The following SVIL variants were observed in gnomAD, a reference collection of about 807,000 sequenced individuals.
SVIL encodes the protein archvillin.
In SVIL, 101 loss-of-function variants were observed where a neutral mutation model predicts 240.4. The ratio of observed to expected loss-of-function variants is 0.42; its 90% CI spans 0.36 to 0.50. The LOEUF is 0.50. Among genes scored for constraint, SVIL ranks in the 20% least tolerant of loss-of-function variants. The pLI, the probability that SVIL is intolerant of heterozygous loss-of-function variation, is 0.01. For synonymous variants in SVIL, 999 were observed against 1,100.0 expected (o/e 0.91, Z 1.82); for missense variants, 2,512 against 2,818.7 (o/e 0.89, Z 2.46).
chr10:29,572,592 C>T (rs1190789760), intron 1 of SVIL, among the ~76,000 whole-genome samples: 2 of 151,698 alleles, frequency 1.3e-5, no homozygotes, highest in African/African-American at 2.4e-5. Context: ...TGGTGAGGCC[C>T]TGTCTCTACA....
rs1392045220 is a variant in SVIL, at chr10:29,523,947, C to T, written c.2667G>A (p.Met889Ile). ...VSTVASTVAPMYAGDLRTKPP... is the reference protein window; with the variant it reads ...VSTVASTVAPIYAGDLRTKPP... ...GCTTTGTGCGAAGATCTCCGGCATA[C>T]ATTGGAGCAACCGTGGATGCTACGG... Residue 889 changes from methionine (M) to isoleucine (I), a missense_variant, in exon 15 of 38, where the codon ATG becomes ATA. Met to Ile is a conservative substitution (Grantham distance 10, BLOSUM62 1). This residue lies in a region of SVIL where 1,443 missense variants were observed against 1,486.6 expected (regional missense o/e 0.97). Transcript: ENST00000355867. The T allele has an allele frequency of 5.6e-6, 9 of 1,614,080 alleles. No individual in the cohort carries two copies. Among genetic ancestry groups the T allele is most frequent in the East Asian group, 2.2e-5 (1 of 44,896 alleles).
intron 33 of SVIL, among the ~76,000 whole-genome samples, chr10:29,466,882 C>T (rs1277215305): frequency 1.3e-5 from 2 of 152,030 alleles, no homozygotes; most frequent in Non-Finnish European, 2.9e-5. Context: ...GTTTTCTAGG[C>T]ATTATGTTTA....
At chr10:29,613,403 G>T (rs1476754533) in intron 1 of SVIL, among the ~76,000 whole-genome samples, 1 of 152,064 alleles carries the variant, frequency 6.6e-6, no homozygotes, top group Non-Finnish European at 1.5e-5. Flanking sequence ...CGCAATCAAG[G>T]CTCACTGCAA....
chr10:29,457,924 C>CAA lies in SVIL; in HGVS notation c.*321_*322dup, dbSNP rs34048226. ...TAACACTTTATAAAGAGAACTGCTT[C>CAA]AAAAAAAAAAAAAAAAGGCATTGCC... On this transcript the variant is annotated 3_prime_UTR_variant, in exon 38 of 38. Transcript: ENST00000355867. The CAA allele has an allele frequency of 3.1e-4, 43 of 138,678 alleles. No individual in the cohort carries two copies. The highest frequency in any genetic ancestry group is 4.8e-4 in the African/African-American group (18 of 37,720). The allele number at this position is 138,678 out of a possible 1,614,324, so 8.6% of individuals were successfully genotyped here.
intron 1 of SVIL, among the ~76,000 whole-genome samples, chr10:29,694,075 T>C (rs1205208029): frequency 2.6e-5 from 4 of 151,878 alleles, no homozygotes; most frequent in African/African-American, 9.7e-5. Flanking sequence ...CTACCCAGAA[T>C]TGTAATGAAC....
chr10:29,484,748 C>G lies in SVIL; in HGVS notation c.4863G>C (p.Gln1621His). Residue 1621 changes from glutamine (Q) to histidine (H), a missense_variant, in exon 27 of 38, where the codon CAG becomes CAC. By Grantham distance (24) the Gln-to-His change is conservative (BLOSUM62 0). Transcript: ENST00000355867. The surrounding 1 kb of genome is among the most constrained non-coding windows in gnomAD (Gnocchi z 4.7). ...VTLAQRKIAFQLAKHLWNGTF... is the reference protein window; with the variant it reads ...VTLAQRKIAFHLAKHLWNGTF... The stretch of plus-strand genomic sequence containing the variant: ...TTCCATTCCATAAGTGCTTTGCCAG[C>G]TGAAATGCTATTTTTCGTTGTGCTA... The G allele has an allele frequency of 6.2e-7, 1 of 1,613,956 alleles. No homozygotes were observed. Among genetic ancestry groups the G allele is most frequent in the Non-Finnish European group, 8.5e-7 (1 of 1,179,922 alleles).
chr10:29,551,315 AT>A (rs1435313915), intron 5 of SVIL, 52 bp from the exon 6 acceptor site: 4 of 1,484,184 alleles, frequency 2.7e-6, no homozygotes, highest in Non-Finnish European at 3.6e-6. Flanking sequence ...AAAGACATGT[AT>A]TTACACACAG....
intron 29 of SVIL, among the ~76,000 whole-genome samples, chr10:29,478,945 AAAAAAG>A (rs1388212235): frequency 3.3e-5 from 5 of 150,242 alleles, no homozygotes; most frequent in Admixed American, 1.3e-4. Flanking sequence ...AAAAAAAAAA[AAAAAAG>A]AACAAAAAGA....
At position 29,724,823 on chromosome 10, in the gene SVIL, A is replaced by C. The variant is rs923915208; in HGVS notation, c.-400+10928T>G. On this transcript the variant is annotated intron_variant, in intron 1 of 35. Transcript: ENST00000375400. ...GATCGCTTGAAGTCAGGAGTTCGAG[A>C]CCAGCCTGGTCAACATGGTGAAACC... Among the ~76,000 whole-genome samples, 3 of 152,034 alleles carry C rather than the reference A, an allele frequency of 2.0e-5. No homozygotes were observed. The South Asian group carries it at 6.2e-4, about 31-fold the overall frequency.
chr10:29,690,437 G>A (rs1253269329), intron 1 of SVIL, among the ~76,000 whole-genome samples: 1 of 152,026 alleles, frequency 6.6e-6, no homozygotes, highest in East Asian at 1.9e-4. Flanking sequence ...AGGATCTGCT[G>A]TTGAATCTTC....
intron 16 of SVIL, among the ~76,000 whole-genome samples, chr10:29,516,391 T>TA (rs1358385252): frequency 6.6e-6 from 1 of 152,150 alleles, no homozygotes; most frequent in East Asian, 1.9e-4. Context: ...TAACACGCAC[T>TA]AAAACTTGAG....
intron 17 of SVIL, among the ~76,000 whole-genome samples, chr10:29,506,290 C>A (rs1237682247): frequency 6.6e-6 from 1 of 152,028 alleles, no homozygotes; most frequent in Admixed American, 6.5e-5. Flanking sequence ...GTTTGCTCCA[C>A]ATTTCAGCCC....
chr10:29,530,746 G>T, intron 10 of SVIL, 78 bp from the exon 11 acceptor site: 1 of 1,522,046 alleles, frequency 6.6e-7, no homozygotes, highest in South Asian at 1.1e-5. Context: ...TTTCAGGGCT[G>T]ACCTGGAAAT....
rs1949310432 is a variant in SVIL, at chr10:29,506,655, C to CTA, written c.3516+6079_3516+6080insTA. On this transcript the variant is annotated intron_variant, in intron 17 of 37. Coordinates refer to ENST00000355867, the MANE Select transcript of SVIL (RefSeq NM_021738.3). ...GCCCTAGAGGGAGGGGACAGAGGCC[C>CTA]TGGAGGGAGGGGACAGAGGCCCTAT... 9.6e-4 allele frequency among the ~76,000 whole-genome samples: 140 copies of CTA among 146,436 alleles called. 2 individuals are homozygous for CTA. Among genetic ancestry groups the CTA allele is most frequent in the African/African-American group, 3.4e-3 (129 of 37,566 alleles).
chr10:29,604,368 T>C (rs1443247901), intron 1 of SVIL, among the ~76,000 whole-genome samples: 1 of 131,012 alleles, frequency 7.6e-6, no homozygotes, highest in Non-Finnish European at 1.6e-5. Context: ...TCTGGCTTTT[T>C]TTTTTTTTTT....
chr10:29,729,989 A>C (rs1436308723), intron 1 of SVIL, among the ~76,000 whole-genome samples: 1 of 151,540 alleles, frequency 6.6e-6, no homozygotes, highest in Non-Finnish European at 1.5e-5. Context: ...AGGGAGCTCG[A>C]GACCAGCCTG....
intron 16 of SVIL, among the ~76,000 whole-genome samples, chr10:29,515,681 T>C (rs975236618): frequency 1.3e-5 from 2 of 152,198 alleles, no homozygotes; most frequent in African/African-American, 4.8e-5. Context: ...ATTCAAATGA[T>C]GAATTTTTAA....
At chr10:29,470,539 C>CG in intron 31 of SVIL, 56 bp from the exon 32 acceptor site, 1 of 1,596,040 alleles carries the variant, frequency 6.3e-7, no homozygotes, top group South Asian at 1.1e-5. Context: ...TGGCAGCAAA[C>CG]GCGGCCCTTC....
chr10:29,493,676 G>C (rs1948173621), intron 20 of SVIL, among the ~76,000 whole-genome samples: 1 of 152,058 alleles, frequency 6.6e-6, no homozygotes, highest in Non-Finnish European at 1.5e-5. Flanking sequence ...TTCTGTTGAG[G>C]GTAGGTGAAC....
Sources: allele counts gnomAD v4.1 joint callset (sites outside exome capture counted in the v4.1 genomes callset), GRCh38; gene constraint gnomAD v4.1.1; regional missense constraint gnomAD v4.1.1; non-coding constraint Gnocchi (gnomAD v3.1); transcripts MANE v1.5; gene names NCBI Gene and HGNC (gene_info 2026-07-23, HGNC 2026-07-21).